TBX20: variants seen among roughly 807,000 people sequenced by gnomAD.
TBX20 encodes the protein T-box transcription factor 20, also known as T-box transcription factor TBX20.
A neutral mutation model predicts 42.9 loss-of-function variants in TBX20; 8 were observed. The ratio of observed to expected loss-of-function variants is 0.19; its 90% CI spans 0.11 to 0.34. TBX20 has a LOEUF of 0.34. Among genes scored for constraint, TBX20 ranks in the 10% least tolerant of loss-of-function variants. The pLI is 1.00. For missense variants in TBX20, 411 were observed against 566.0 expected, an observed-to-expected ratio of 0.73 and a Z score of 2.78; for synonymous variants, 198 against 222.8, an observed-to-expected ratio of 0.89 and a Z score of 0.99.
chr7:35,242,219 A>G (rs1419615511), intron 4 of TBX20, among the ~76,000 whole-genome samples: 1 of 152,220 alleles, frequency 6.6e-6, no homozygotes, highest in African/African-American at 2.4e-5. Flanking sequence ...TAACTGATAT[A>G]TAATCGCTCG....
intron 6 of TBX20, among the ~76,000 whole-genome samples, chr7:35,225,036 G>C (rs933065741): frequency 6.6e-6 from 1 of 151,936 alleles, no homozygotes; most frequent in African/African-American, 2.4e-5. Flanking sequence ...GAAAGGAAGA[G>C]ATAAAATCAT....
intron 6 of TBX20, among the ~76,000 whole-genome samples, chr7:35,205,203 G>A (rs1333963986): frequency 3.3e-5 from 5 of 152,078 alleles, no homozygotes; most frequent in Non-Finnish European, 7.4e-5. Context: ...AAACACAAAT[G>A]ACCAATAAGG....
At chr7:35,239,947 AC>A (rs1321641736) in intron 5 of TBX20, among the ~76,000 whole-genome samples, 1 of 151,980 alleles carries the variant, frequency 6.6e-6, no homozygotes, top group Non-Finnish European at 1.5e-5. Context: ...AGACGGTTTC[AC>A]CATGTTGGCC....
rs1383732302 is a variant in TBX20 at position 35,231,584 on chromosome 7, G to A, written c.814-4C>T. 1.9e-6 allele frequency: 3 copies of A among 1,599,310 alleles called. No homozygotes were observed. Among genetic ancestry groups the A allele is most frequent in the South Asian group, 1.1e-5 (1 of 90,736 alleles). On this transcript the variant is annotated splice_polypyrimidine_tract_variant and splice_region_variant and intron_variant, in intron 5 of 7. Coordinates refer to ENST00000408931, the MANE Select transcript of TBX20 (RefSeq NM_001077653.2). ...TATCTATTTTCAGCTTCGTTATCTGGAGAAAGAATGGGTACAAAACAGTAT... is the reference window on the plus strand; with the variant it reads ...TATCTATTTTCAGCTTCGTTATCTGAAGAAAGAATGGGTACAAAACAGTAT...
At chr7:35,202,812 A>G (rs1268083827) in intron 7 of TBX20, 42 bp from the exon 8 acceptor site, 1 of 1,502,282 alleles carries the variant, frequency 6.7e-7, no homozygotes, top group East Asian at 2.5e-5. Context: ...CACTGTGTCA[A>G]TGTACAGATC....
At chr7:35,230,750 A>T (rs1189172177) in intron 6 of TBX20, among the ~76,000 whole-genome samples, 1 of 152,182 alleles carries the variant, frequency 6.6e-6, no homozygotes, top group African/African-American at 2.4e-5. Context: ...GTGGCTAGGG[A>T]ACTTCCCTGG....
chr7:35,210,578 A>G (rs1452931383), intron 6 of TBX20, among the ~76,000 whole-genome samples: 1 of 152,066 alleles, frequency 6.6e-6, no homozygotes, highest in Non-Finnish European at 1.5e-5. Flanking sequence ...CTGTTTTTTT[A>G]TACTTCTATC....
intron 5 of TBX20, among the ~76,000 whole-genome samples, chr7:35,240,344 A>G (rs1482185581): frequency 6.6e-6 from 1 of 152,206 alleles, no homozygotes. Flanking sequence ...ATATAACTCA[A>G]TAATATAAAT....
intron 1 of TBX20, among the ~76,000 whole-genome samples, chr7:35,251,007 C>G (rs1463415300): frequency 6.6e-6 from 1 of 152,168 alleles, no homozygotes. Flanking sequence ...GGACAACAAC[C>G]TCAAATCCAG....
At chr7:35,233,909 C>A (rs1297327827) in intron 5 of TBX20, among the ~76,000 whole-genome samples, 1 of 152,214 alleles carries the variant, frequency 6.6e-6, no homozygotes, top group Non-Finnish European at 1.5e-5. Context: ...AGAGCTGGAA[C>A]TGGCTCTAAA....
At chr7:35,230,403 C>T (rs1789846791) in intron 6 of TBX20, among the ~76,000 whole-genome samples, 1 of 152,020 alleles carries the variant, frequency 6.6e-6, no homozygotes, top group African/African-American at 2.4e-5. Flanking sequence ...TCAAGCTCTC[C>T]AACTATTTAA....
intron 6 of TBX20, among the ~76,000 whole-genome samples, chr7:35,207,397 A>C (rs1279207235): frequency 6.6e-6 from 1 of 152,146 alleles, no homozygotes; most frequent in Non-Finnish European, 1.5e-5. Context: ...TGTTTATAGA[A>C]TATATGATTT....
At chr7:35,238,799 T>C (rs140360591) in intron 5 of TBX20, among the ~76,000 whole-genome samples, 233 of 152,266 alleles carry the variant, frequency 1.5e-3, no homozygotes, top group African/African-American at 5.4e-3. Flanking sequence ...TTGGAGATAA[T>C]TCAAAGGTTA....
chr7:35,230,032 A>G (rs955992015), intron 6 of TBX20, among the ~76,000 whole-genome samples: 9 of 152,044 alleles, frequency 5.9e-5, no homozygotes, highest in Non-Finnish European at 1.3e-4. Flanking sequence ...ATGGTCTGAG[A>G]CAGAAAATAC....
intron 6 of TBX20, among the ~76,000 whole-genome samples, chr7:35,221,033 T>A (rs915972693): frequency 3.3e-5 from 5 of 151,942 alleles, no homozygotes; most frequent in African/African-American, 1.2e-4. Context: ...ATCAGCAAAT[T>A]AGAAGATATA....
At chr7:35,222,580 C>T (rs1789701128) in intron 6 of TBX20, among the ~76,000 whole-genome samples, 1 of 152,192 alleles carries the variant, frequency 6.6e-6, no homozygotes, top group Non-Finnish European at 1.5e-5. Flanking sequence ...TATTTGGGTG[C>T]TCACTGTGTG....
intron 4 of TBX20, among the ~76,000 whole-genome samples, chr7:35,241,904 G>C (rs879328289): frequency 1.3e-5 from 2 of 152,062 alleles, no homozygotes; most frequent in Admixed American, 1.3e-4. Context: ...GATATAAAAG[G>C]TTTCCCACAT....
At chr7:35,238,170 T>C (rs1237588172) in intron 5 of TBX20, among the ~76,000 whole-genome samples, 3 of 152,206 alleles carry the variant, frequency 2.0e-5, no homozygotes, top group Non-Finnish European at 4.4e-5. Flanking sequence ...AGTATGATTA[T>C]GAATTCAAGT....
At chr7:35,205,735 G>A (rs1789389465) in intron 6 of TBX20, among the ~76,000 whole-genome samples, 1 of 152,110 alleles carries the variant, frequency 6.6e-6, no homozygotes, top group African/African-American at 2.4e-5. Flanking sequence ...TATATAGTAT[G>A]ACTATGACTA....
Sources: allele counts gnomAD v4.1 joint callset (sites outside exome capture counted in the v4.1 genomes callset), GRCh38; gene constraint gnomAD v4.1.1; transcripts MANE v1.5; gene names NCBI Gene and HGNC (gene_info 2026-07-23, HGNC 2026-07-21).